NTRK1: variants seen among roughly 807,000 people sequenced by gnomAD.
NTRK1 encodes high affinity nerve growth factor receptor.
A neutral mutation model predicts 86.8 loss-of-function variants in NTRK1; 62 were observed. That is an observed-to-expected ratio of 0.71 (90% confidence interval 0.58 to 0.88). The LOEUF is 0.88. Ranked by LOEUF, NTRK1 falls within the 40% of genes least tolerant of loss-of-function variation. The pLI is 0.00. For synonymous variants in NTRK1, 469 were observed against 456.6 expected (o/e 1.03, Z -0.35); for missense variants, 967 against 1,078.4 (o/e 0.90, Z 1.45).
chr1:156,819,504 T>TTA (rs1553256671), intron 1 of NTRK1, among the ~76,000 whole-genome samples: 1 of 147,076 alleles, frequency 6.8e-6, no homozygotes, highest in Non-Finnish European at 1.5e-5. Flanking sequence ...GGATTATTAT[T>TTA]TTTTTATTTT....
chr1:156,816,786 C>T (rs1653990662), intron 1 of NTRK1: 1 of 1,340,924 alleles, frequency 7.5e-7, no homozygotes. Flanking sequence ...AGCAACTCAT[C>T]ATCTCTCCTC....
chr1:156,841,853 C>T, intron 1 of NTRK1: 1 of 1,613,482 alleles, frequency 6.2e-7, no homozygotes. Flanking sequence ...GCACTAGCTC[C>T]TGCCCCTGGG....
intron 2 of NTRK1, chr1:156,852,127 C>CA: frequency 6.2e-7 from 1 of 1,613,390 alleles, no homozygotes. Context: ...TGCAGCCCCC[C>CA]AGGCATTCGG....
intron 1 of NTRK1, among the ~76,000 whole-genome samples, chr1:156,827,728 A>G (rs1024692043): frequency 2.0e-5 from 3 of 152,242 alleles, no homozygotes; most frequent in African/African-American, 7.2e-5. Context: ...CTAATTGAAA[A>G]ATTAGGTAAC....
At chr1:156,856,394 C>T (rs923313022), upstream of NTRK1, among the ~76,000 whole-genome samples, 10 of 152,238 alleles carry the variant, frequency 6.6e-5, no homozygotes, top group African/African-American at 2.4e-4. Flanking sequence ...GATGCCTGTT[C>T]CCTGAATTAA....
At chr1:156,843,597 C>T in intron 2 of NTRK1, 1 of 1,095,536 alleles carries the variant, frequency 9.1e-7, no homozygotes. Context: ...CACCCCCAGC[C>T]TTGGTCAGGG....
intron 1 of NTRK1, chr1:156,840,722 C>T: frequency 1.5e-6 from 1 of 661,102 alleles, no homozygotes; most frequent in South Asian, 1.9e-5. Flanking sequence ...CTGCCCACCC[C>T]CACAGCCTTC....
intron 1 of NTRK1, among the ~76,000 whole-genome samples, chr1:156,833,627 T>G (rs1254980645): frequency 1.3e-5 from 2 of 152,190 alleles, no homozygotes; most frequent in African/African-American, 4.8e-5. Flanking sequence ...ATTTTAGGTA[T>G]AAGAAAAATA....
chr1:156,850,531 A>ATTTTTT (rs1655167936), intron 2 of NTRK1, among the ~76,000 whole-genome samples: 1 of 97,020 alleles, frequency 1.0e-5, no homozygotes, highest in African/African-American at 3.9e-5. Flanking sequence ...AATTTAAAAC[A>ATTTTTT]TTCTTTTTTT....
chr1:156,869,588 GA>G (rs1275549861), intron 6 of NTRK1, among the ~76,000 whole-genome samples: 2 of 152,158 alleles, frequency 1.3e-5, no homozygotes. Flanking sequence ...ATGACTTTCA[GA>G]AAAATCCCTT....
At chr1:156,843,257 A>G in intron 2 of NTRK1, 6 of 1,607,710 alleles carry the variant, frequency 3.7e-6, no homozygotes, top group Non-Finnish European at 5.1e-6. Context: ...GAGGGTCACA[A>G]AGCGAGGATG....
Position 156,841,211 on chromosome 1 carries a change from T to C in NTRK1, c.-63-870T>C, listed in dbSNP as rs538433368. On this transcript the variant is annotated intron_variant, in intron 1 of 16. Coordinates refer to the NTRK1 transcript ENST00000392302. ...TGGGAGTGGGGATCGTGGGCCATTATGCCTGGGAGGGTGAGAAGGGATTAA... is the reference window on the plus strand; with the variant it reads ...TGGGAGTGGGGATCGTGGGCCATTACGCCTGGGAGGGTGAGAAGGGATTAA... The C allele has an allele frequency of 7.2e-5, 74 of 1,022,676 alleles. No homozygotes were observed. The African/African-American group carries it at 1.1e-3, about 15-fold the overall frequency. 63.4% of individuals were successfully genotyped at this position (1,022,676 alleles called of 1,614,324 possible).
At chr1:156,839,105 G>A (rs183693031) in intron 1 of NTRK1, among the ~76,000 whole-genome samples, 1 of 152,364 alleles carries the variant, frequency 6.6e-6, no homozygotes, top group Non-Finnish European at 1.5e-5. Flanking sequence ...CCAATGCAGG[G>A]CAGGGGAGGG....
At chr1:156,874,476 T>C (rs1199348033) in intron 9 of NTRK1, 76 bp downstream of exon 9, 1 of 1,611,646 alleles carries the variant, frequency 6.2e-7, no homozygotes, top group African/African-American at 1.3e-5. Flanking sequence ...ACAGCTGAAC[T>C]GATCCCTGAG....
Position 156,864,889 on chromosome 1 carries a change from G to T in NTRK1, c.359+90G>T, listed in dbSNP as rs898772932. ...GCTTGGCTGTCCCCGGGGAATGATT[G>T]CGAGGAGGGCCCAAGCCTGGTCAGG... On this transcript the variant is annotated intron_variant, in intron 3 of 16. Coordinates refer to ENST00000524377, the MANE Select transcript of NTRK1 (RefSeq NM_002529.4). 5.4e-6 allele frequency: 7 copies of T among 1,303,850 alleles called. No homozygotes were observed. In the African/African-American group the frequency reaches 5.8e-5, roughly 11 times the overall value. The allele number at this position is 1,303,850 out of a possible 1,614,324, so 80.8% of individuals were successfully genotyped here. A position where few individuals can be genotyped will look rare whatever the true frequency, so the allele number is the denominator to read the frequency against.
chr1:156,849,129 C>A, intron 2 of NTRK1: 3 of 1,597,692 alleles, frequency 1.9e-6, no homozygotes, highest in Non-Finnish European at 2.6e-6. Context: ...ATCCCATTCC[C>A]AGTGAGACCT....
intron 1 of NTRK1, chr1:156,816,167 C>T (rs1653911020): frequency 6.6e-7 from 1 of 1,520,314 alleles, no homozygotes; most frequent in East Asian, 2.4e-5. Context: ...CACCCCTCCT[C>T]CCAGGCTCAG....
intron 16 of NTRK1, 114 bp from the exon 17 acceptor site, chr1:156,881,343 C>A: frequency 1.0e-6 from 1 of 1,002,352 alleles, no homozygotes; most frequent in Non-Finnish European, 1.4e-6. Context: ...AGCTAAGAAG[C>A]CCAGACGAGT....
chr1:156,878,166 C>A (rs1055639165), intron 14 of NTRK1, among the ~76,000 whole-genome samples: 1 of 152,188 alleles, frequency 6.6e-6, no homozygotes, highest in African/African-American at 2.4e-5. Context: ...ACCATCTGTT[C>A]CTTCTCCCCT....
Sources: allele counts gnomAD v4.1 joint callset (sites outside exome capture counted in the v4.1 genomes callset), GRCh38; gene constraint gnomAD v4.1.1; transcripts MANE v1.5; gene names NCBI Gene and HGNC (gene_info 2026-07-23, HGNC 2026-07-21).